ENOX1: variants seen among roughly 807,000 people sequenced by gnomAD.
The protein encoded by ENOX1 is candidate growth-related and time keeping constitutive hydroquinone (NADH) oxidase.
Under a neutral mutation model 82.5 loss-of-function variants are expected in ENOX1, and 42 were observed. That is an observed-to-expected ratio of 0.51 (90% CI 0.40 to 0.66). The LOEUF is 0.66. ENOX1 is among the 30% of genes least tolerant of loss of function. ENOX1 has a pLI of 0.00. For missense variants in ENOX1, 608 were observed against 811.6 expected (o/e 0.75, Z 3.05); for synonymous variants, 271 against 282.2 (o/e 0.96, Z 0.40).
chr13:43,316,864 G>A (rs1240243062), intron 11 of ENOX1, among the ~76,000 whole-genome samples: 2 of 151,822 alleles, frequency 1.3e-5, no homozygotes, highest in Non-Finnish European at 2.9e-5. Flanking sequence ...AGGCTACTCA[G>A]CCCACCTTGC....
intron 2 of ENOX1, among the ~76,000 whole-genome samples, chr13:43,562,371 AT>A (rs2079719963): frequency 6.6e-6 from 1 of 152,158 alleles, no homozygotes; most frequent in South Asian, 2.1e-4. Flanking sequence ...AAATAAAAAA[AT>A]ACAATAGATA....
chr13:43,337,604 A>C (rs2048788169), intron 9 of ENOX1, among the ~76,000 whole-genome samples: 1 of 152,206 alleles, frequency 6.6e-6, no homozygotes, highest in South Asian at 2.1e-4. Flanking sequence ...GGTAGGAAAG[A>C]GGGTAGTGCC....
At chr13:43,403,839 CAAAA>C (rs59860320) in intron 5 of ENOX1, among the ~76,000 whole-genome samples, 1 of 143,240 alleles carries the variant, frequency 7.0e-6, no homozygotes, top group Non-Finnish European at 1.6e-5. Context: ...AATCTTGTCT[CAAAA>C]AAAAAAATAA....
At chr13:43,245,177 A>G (rs1327093610) in intron 14 of ENOX1, among the ~76,000 whole-genome samples, 1 of 152,204 alleles carries the variant, frequency 6.6e-6, no homozygotes, top group Non-Finnish European at 1.5e-5. Context: ...TATTGAAAAC[A>G]TGATGATTTG....
At chr13:43,685,764 G>A (rs1324364061) in intron 1 of ENOX1, among the ~76,000 whole-genome samples, 1 of 151,966 alleles carries the variant, frequency 6.6e-6, no homozygotes, top group Non-Finnish European at 1.5e-5. Flanking sequence ...TGGGCATTCT[G>A]AGAAATGAGA....
At chr13:43,564,366 AAT>A (rs1391762231) in intron 2 of ENOX1, among the ~76,000 whole-genome samples, 2 of 152,126 alleles carry the variant, frequency 1.3e-5, no homozygotes, top group African/African-American at 4.8e-5. Context: ...TATGTATCAA[AAT>A]ATCTCATGTG....
At chr13:43,540,620 A>C (rs1265855323) in intron 2 of ENOX1, among the ~76,000 whole-genome samples, 1 of 152,126 alleles carries the variant, frequency 6.6e-6, no homozygotes, top group Non-Finnish European at 1.5e-5. Flanking sequence ...AGAAGTGGTG[A>C]GACTGGTGAG....
chr13:43,528,475 G>A (rs1289524671), intron 2 of ENOX1, among the ~76,000 whole-genome samples: 2 of 152,066 alleles, frequency 1.3e-5, no homozygotes, highest in Non-Finnish European at 2.9e-5. Context: ...GCACATAGAT[G>A]AGAATACCTA....
intron 5 of ENOX1, among the ~76,000 whole-genome samples, chr13:43,406,665 T>C (rs917239955): frequency 2.0e-5 from 3 of 151,890 alleles, no homozygotes; most frequent in African/African-American, 7.3e-5. Context: ...GCTAATTTTT[T>C]TGTATTTTTA....
chr13:43,601,899 T>C (rs1033339124), intron 2 of ENOX1, among the ~76,000 whole-genome samples: 23 of 152,056 alleles, frequency 1.5e-4, no homozygotes, highest in Non-Finnish European at 2.6e-4. Context: ...AAATGACATA[T>C]TTAAAGTGCT....
At chr13:43,224,179 T>C in intron 15 of ENOX1, 41 bp from the exon 16 acceptor site, 1 of 1,490,570 alleles carries the variant, frequency 6.7e-7, no homozygotes, top group South Asian at 1.1e-5. Flanking sequence ...TTCAAAGGCA[T>C]ATGAGAGTCT....
At chr13:43,335,060 C>T (rs1157156044) in intron 9 of ENOX1, among the ~76,000 whole-genome samples, 1 of 152,154 alleles carries the variant, frequency 6.6e-6, no homozygotes, top group African/African-American at 2.4e-5. Flanking sequence ...GCTAGACCAT[C>T]CTGAATCTCC....
chr13:43,594,024 C>A (rs1870875113), intron 2 of ENOX1, among the ~76,000 whole-genome samples: 1 of 152,100 alleles, frequency 6.6e-6, no homozygotes, highest in Non-Finnish European at 1.5e-5. Context: ...ACGCCAGGCC[C>A]CATTGTGCTC....
At chr13:43,541,849 C>G (rs1043790453) in intron 2 of ENOX1, among the ~76,000 whole-genome samples, 1 of 152,094 alleles carries the variant, frequency 6.6e-6, no homozygotes, top group Non-Finnish European at 1.5e-5. Flanking sequence ...GTTCTGAGCT[C>G]TCTCCAAAAT....
intron 2 of ENOX1, among the ~76,000 whole-genome samples, chr13:43,640,531 A>C (rs758898374): frequency 6.6e-6 from 1 of 152,200 alleles, no homozygotes; most frequent in East Asian, 1.9e-4. Flanking sequence ...TATAAGGAGC[A>C]GGCTCACAAC....
intron 1 of ENOX1, among the ~76,000 whole-genome samples, chr13:43,672,634 C>T (rs1056805508): frequency 6.6e-6 from 1 of 152,172 alleles, no homozygotes; most frequent in African/African-American, 2.4e-5. Flanking sequence ...AGATACTGCT[C>T]ATATTATATC....
intron 1 of ENOX1, among the ~76,000 whole-genome samples, chr13:43,781,399 A>G (rs1262197061): frequency 6.6e-6 from 1 of 152,176 alleles, no homozygotes; most frequent in East Asian, 1.9e-4. Flanking sequence ...AATTTTCCAG[A>G]GGGAGTAATT....
intron 5 of ENOX1, among the ~76,000 whole-genome samples, chr13:43,384,563 G>A (rs80342992): frequency 0.011 from 1,740 of 152,082 alleles, 26 homozygotes; most frequent in African/African-American, 0.039. Context: ...CTCAGTTCAC[G>A]TGGCTGAGAC....
At chr13:43,437,567 C>T (rs1409331944) in intron 3 of ENOX1, among the ~76,000 whole-genome samples, 2 of 152,102 alleles carry the variant, frequency 1.3e-5, no homozygotes, top group Middle Eastern at 3.2e-3. Flanking sequence ...GGTTTGTGAC[C>T]TGGGGCAAAA....
Sources: gnomAD v4.1 joint callset for allele counts (sites outside exome capture counted in the v4.1 genomes callset) on GRCh38, gnomAD v4.1.1 for gene constraint, MANE v1.5 for transcripts, NCBI Gene and HGNC (gene_info 2026-07-23, HGNC 2026-07-21) for gene names.